Variants in PRSS54 observed in about 807,000 individuals in gnomAD.
The protein encoded by PRSS54 is inactive serine protease 54.
A neutral mutation model predicts 19.9 loss-of-function variants in PRSS54; 16 were observed. The observed-to-expected ratio is 0.80, with a 90% CI of 0.54 to 1.22. The LOEUF (loss-of-function observed/expected upper bound fraction) is 1.22, where lower values mean the gene tolerates loss of function less well. PRSS54 is among the 50% of genes most tolerant of loss of function. The pLI, the probability that PRSS54 is intolerant of heterozygous loss-of-function variation, is 0.00. For missense variants in PRSS54, 444 were observed against 494.8 expected, an observed-to-expected ratio of 0.90 and a Z score of 0.97; for synonymous variants, 177 against 195.8, an observed-to-expected ratio of 0.90 and a Z score of 0.80.
intron 3 of PRSS54, among the ~76,000 whole-genome samples, chr16:58,291,828 G>T (rs1250651755): frequency 6.6e-6 from 1 of 152,122 alleles, no homozygotes; most frequent in Admixed American, 6.5e-5. Flanking sequence ...TTGCATTTTT[G>T]CTCTCTTCAT....
chr16:58,285,048 C>G (rs1596901089), intron 5 of PRSS54: 1 of 195,024 alleles, frequency 5.1e-6, no homozygotes, highest in East Asian at 1.2e-4. Context: ...CTCCTGACCT[C>G]AAGTGATCCA....
At chr16:58,283,517 G>GT (rs1201509700) in intron 6 of PRSS54, 2 of 152,150 alleles carry the variant, frequency 1.3e-5, no homozygotes, top group Non-Finnish European at 2.9e-5. Context: ...TGATGTCAGA[G>GT]TTTAACGGGC....
chr16:58,283,507 T>C (rs1399092643), intron 6 of PRSS54: 1 of 152,192 alleles, frequency 6.6e-6, no homozygotes, highest in Admixed American at 6.5e-5. Context: ...TTTAATCAGT[T>C]GATGTCAGAG....
rs201760660 is a variant in PRSS54, at chr16:58,286,005, C to T, written c.454G>A (p.Gly152Ser). 1.9e-5 allele frequency: 31 copies of T among 1,613,988 alleles called. No homozygotes were observed. The highest frequency in any genetic ancestry group is 3.3e-5 in the South Asian group (3 of 91,082). ...ACTGGTGGTGTATGCAGCATTCTGC[C>T]GAGGAAGCAGATGGACTGGACCAGG... Reference protein sequence around the residue: ...GNLVQSICFLGRMLHTPPVLQ... With the variant: ...GNLVQSICFLSRMLHTPPVLQ... The change falls in exon 5 of 7, where the codon GGC (glycine) becomes AGC (serine). Residue 152 changes from glycine (G) to serine (S), a missense_variant. Physicochemically the swap from Gly to Ser is moderately conservative, Grantham distance 56. Transcript: ENST00000567164.
chr16:58,280,169 G>A lies in PRSS54; in HGVS notation c.*55C>T. On this transcript the variant is annotated 3_prime_UTR_variant, in exon 7 of 7. Transcript: ENST00000567164. ...CAGACATCAAAACAGCATGGTGAAT[G>A]CCTGGCACTCAGCATTCTCAGTTTA... 4.6e-6 allele frequency: 7 copies of A among 1,525,534 alleles called. No individual in the cohort carries two copies. The highest frequency in any genetic ancestry group is 6.2e-6 in the Non-Finnish European group (7 of 1,122,864). The allele number at this position is 1,525,534 out of a possible 1,614,324, so 94.5% of individuals were successfully genotyped here.
rs768608104 is a variant in PRSS54 at position 58,280,208 on chromosome 16, T to TG, written c.*15dup. ...ATTCTCAGTTTACTCTTCAGTTTGGTGGGGTAGCTCCTGGACTAGATACTG... is the reference window on the plus strand; with the variant it reads ...ATTCTCAGTTTACTCTTCAGTTTGGTGGGGGTAGCTCCTGGACTAGATACTG... On this transcript the variant is annotated 3_prime_UTR_variant, in exon 7 of 7. Coordinates refer to ENST00000567164, the MANE Select transcript of PRSS54 (RefSeq NM_001305173.2). The TG allele has an allele frequency of 1.6e-5, 26 of 1,588,724 alleles. No individual in the cohort carries two copies. The highest frequency in any genetic ancestry group is 2.2e-5 in the Non-Finnish European group (26 of 1,167,362).
chr16:58,294,482 C>T (rs1450087520), intron 1 of PRSS54, among the ~76,000 whole-genome samples: 1 of 152,188 alleles, frequency 6.6e-6, no homozygotes, highest in Non-Finnish European at 1.5e-5. Flanking sequence ...TCCTGAGTAG[C>T]TGGGACTACA....
intron 5 of PRSS54, among the ~76,000 whole-genome samples, chr16:58,285,474 C>T (rs752417062): frequency 1.3e-5 from 2 of 152,134 alleles, no homozygotes; most frequent in Non-Finnish European, 1.5e-5. Flanking sequence ...CAGTGGCTCA[C>T]GCCTGTAATC....
chr16:58,285,959 G>A lies in PRSS54; in HGVS notation c.500C>T (p.Ser167Leu). Reference sequence around the variant, plus strand: ...AACTGCAGATGTGGGATTCCATCCTGACACCCAGCAGTTCTGCAAGACTGG... The same window carrying A: ...AACTGCAGATGTGGGATTCCATCCTAACACCCAGCAGTTCTGCAAGACTGG... ...TPPVLQNCWV[S>L]GWNPTSATGN... The change falls in exon 5 of 7, where the codon TCA becomes TTA. Residue 167 changes from serine to leucine, a missense_variant. By Grantham distance (145) the Ser-to-Leu change is moderately radical. Coordinates refer to ENST00000567164, the MANE Select transcript of PRSS54 (RefSeq NM_001305173.2). 6.2e-7 allele frequency: 1 copy of A among 1,614,178 alleles called. No homozygotes were observed. The highest frequency in any genetic ancestry group is 8.5e-7 in the Non-Finnish European group (1 of 1,180,034).
At chr16:58,285,398 C>G (rs1964890723) in intron 5 of PRSS54, 1 of 160,920 alleles carries the variant, frequency 6.2e-6, no homozygotes, top group Admixed American at 5.8e-5. Context: ...CTCTGTACTT[C>G]CAGTTTTGGT....
rs762273048 is a variant in PRSS54 at position 58,280,176 on chromosome 16, A to G, written c.*48T>C. ...CAAAACAGCATGGTGAATGCCTGGC[A>G]CTCAGCATTCTCAGTTTACTCTTCA... On this transcript the variant is annotated 3_prime_UTR_variant, in exon 7 of 7. Coordinates refer to ENST00000567164, the MANE Select transcript of PRSS54 (RefSeq NM_001305173.2). 1 of 1,534,872 alleles carries G rather than the reference A, an allele frequency of 6.5e-7. No homozygotes were observed. The highest frequency in any genetic ancestry group is 1.2e-5 in the South Asian group (1 of 81,090).
intron 6 of PRSS54, chr16:58,283,048 A>G (rs958220537): frequency 1.3e-5 from 2 of 152,222 alleles, no homozygotes; most frequent in Non-Finnish European, 2.9e-5. Flanking sequence ...TCATCTCCCA[A>G]GGGAGCGGCC....
In PRSS54 at chr16:58,280,056, C is replaced by T; in HGVS notation, c.*168G>A. On this transcript the variant is annotated 3_prime_UTR_variant, in exon 7 of 7. Transcript: ENST00000567164. Reference sequence around the variant, plus strand: ...AAGCATAGTGAAAGTGACCTTCCCACACCTGGGAGAGGGATAGAGGAGGGA... The same window carrying T: ...AAGCATAGTGAAAGTGACCTTCCCATACCTGGGAGAGGGATAGAGGAGGGA... 2 of 694,204 alleles carry T rather than the reference C, an allele frequency of 2.9e-6. No homozygotes were observed. The highest frequency in any genetic ancestry group is 3.9e-5 in the South Asian group (2 of 50,804). 43.0% of individuals were successfully genotyped at this position (694,204 alleles called of 1,614,324 possible). A position where few individuals can be genotyped will look rare whatever the true frequency, so the allele number is the denominator to read the frequency against.
chr16:58,290,979 G>A lies in PRSS54; in HGVS notation c.243C>T (p.Ile81=), dbSNP rs1285964192. ...CILSEFWVLS[I]ASAIQNRKDI... ...CTGGCCTGTTCTGAATGGCGGATGC[G>A]ATGCTGAGGACCCAGAACTCGCTCA... Residue 81 remains isoleucine (I), a synonymous_variant, in exon 4 of 7, where the codon ATC becomes ATT. Transcript: ENST00000567164. 2.5e-6 allele frequency: 4 copies of A among 1,614,222 alleles called. No individual in the cohort carries two copies. Among genetic ancestry groups the A allele is most frequent in the Non-Finnish European group, 3.4e-6 (4 of 1,180,038 alleles).
rs368408480 is a variant in PRSS54, at chr16:58,285,634, C to T, written c.522+303G>A. 2.7e-4 allele frequency among the ~76,000 whole-genome samples: 39 copies of T among 145,180 alleles called. No individual in the cohort carries two copies. The East Asian group carries it at 5.9e-3, about 22-fold the overall frequency. On this transcript the variant is annotated intron_variant, in intron 5 of 6. Coordinates refer to ENST00000567164, the MANE Select transcript of PRSS54 (RefSeq NM_001305173.2). Reference sequence around the variant, plus strand: ...ACATGTGCCTGTAGTCCCAGGTACTCGGGGCTGAGGCAGGAAGATCACTTG... The same window carrying T: ...ACATGTGCCTGTAGTCCCAGGTACTTGGGGCTGAGGCAGGAAGATCACTTG...
intron 4 of PRSS54, among the ~76,000 whole-genome samples, chr16:58,288,228 C>A (rs1964960480): frequency 6.6e-6 from 1 of 152,170 alleles, no homozygotes; most frequent in African/African-American, 2.4e-5. Flanking sequence ...GAGTTTGAGA[C>A]CAGCCTGGCC....
At chr16:58,289,823 C>G (rs566045564) in intron 4 of PRSS54, among the ~76,000 whole-genome samples, 1 of 152,084 alleles carries the variant, frequency 6.6e-6, no homozygotes, top group Admixed American at 6.5e-5. Context: ...GTGATCCGCC[C>G]GTCTCAGCCT....
intron 6 of PRSS54, 139 bp from the exon 7 acceptor site, chr16:58,280,896 T>C: frequency 1.3e-6 from 1 of 763,908 alleles, no homozygotes; most frequent in Non-Finnish European, 2.0e-6. Flanking sequence ...TAGGATACAA[T>C]TTCAAATCTA....
chr16:58,284,907 C>T (rs956558018), intron 5 of PRSS54, among the ~76,000 whole-genome samples, 186 bp from the exon 6 acceptor site: 6 of 151,510 alleles, frequency 4.0e-5, no homozygotes, highest in African/African-American at 9.7e-5. Flanking sequence ...TTCTGCCTTT[C>T]GGGTTCAAGC....
Sources: allele counts gnomAD v4.1 joint callset (sites outside exome capture counted in the v4.1 genomes callset), GRCh38; gene constraint gnomAD v4.1.1; transcripts MANE v1.5; gene names NCBI Gene and HGNC (gene_info 2026-07-23, HGNC 2026-07-21).